ADAM10: variants seen among roughly 807,000 people sequenced by gnomAD.
ADAM10 encodes disintegrin and metalloproteinase domain-containing protein 10.
Under a neutral mutation model 90.1 loss-of-function variants are expected in ADAM10, and 17 were observed. That is an observed-to-expected ratio of 0.19 (90% CI 0.13 to 0.28). The LOEUF (loss-of-function observed/expected upper bound fraction) is 0.28. Ranked by LOEUF, ADAM10 falls within the 10% of genes least tolerant of loss-of-function variation. ADAM10 has a pLI of 1.00. For missense variants in ADAM10, 610 were observed against 914.3 expected, an observed-to-expected ratio of 0.67 and a Z score of 4.29; for synonymous variants, 310 against 298.6, an observed-to-expected ratio of 1.04 and a Z score of -0.40.
At chr15:58,675,784 G>A (rs1897292340) in intron 4 of ADAM10, among the ~76,000 whole-genome samples, 1 of 152,138 alleles carries the variant, frequency 6.6e-6, no homozygotes, top group Non-Finnish European at 1.5e-5. Context: ...TTTCATGATG[G>A]TTCTATACAT....
chr15:58,598,768 C>A (rs1895028185), intron 15 of ADAM10, among the ~76,000 whole-genome samples: 2 of 152,186 alleles, frequency 1.3e-5, no homozygotes, highest in South Asian at 4.1e-4. Flanking sequence ...GGGTTTATTT[C>A]CTGTCCTTTT....
chr15:58,718,850 T>C (rs567970733), intron 1 of ADAM10, among the ~76,000 whole-genome samples: 1 of 152,072 alleles, frequency 6.6e-6, no homozygotes, highest in Non-Finnish European at 1.5e-5. Context: ...GCCACTTTGG[T>C]CTCCCCTGAC....
chr15:58,684,107 A>G (rs1336984281), intron 2 of ADAM10, among the ~76,000 whole-genome samples: 1 of 152,204 alleles, frequency 6.6e-6, no homozygotes, highest in African/African-American at 2.4e-5. Context: ...TTCTATGTAA[A>G]TAGTTCTTAT....
intron 2 of ADAM10, among the ~76,000 whole-genome samples, chr15:58,710,824 G>T (rs1898449486): frequency 6.6e-6 from 1 of 152,064 alleles, no homozygotes; most frequent in African/African-American, 2.4e-5. Context: ...GTGTTCCCTA[G>T]ATTCTTACCT....
In ADAM10 at chr15:58,619,626, C is replaced by T. The variant is rs575958435; in HGVS notation, c.1511+1845G>A. ...TATCAATTAAAAATGGAATAGGGGC[C>T]GGGTGCAGTGGCTCACACCTGTAAT... On this transcript the variant is annotated intron_variant, in intron 11 of 15. Transcript: ENST00000260408. 1.6e-4 allele frequency among the ~76,000 whole-genome samples: 25 copies of T among 152,050 alleles called. No individual in the cohort carries two copies. The South Asian group carries it at 5.2e-3, about 32-fold the overall frequency.
At chr15:58,726,274 T>C (rs892440208) in intron 1 of ADAM10, among the ~76,000 whole-genome samples, 1 of 152,138 alleles carries the variant, frequency 6.6e-6, no homozygotes, top group Non-Finnish European at 1.5e-5. Flanking sequence ...TATATCATCA[T>C]AAAGCCAATA....
At position 58,597,329 on chromosome 15, in the gene ADAM10, A is replaced by G; in HGVS notation, c.*218T>C. 1 of 1,491,216 alleles carries G rather than the reference A, an allele frequency of 6.7e-7. No homozygotes were observed. Among genetic ancestry groups the G allele is most frequent in the Non-Finnish European group, 9.0e-7 (1 of 1,108,280 alleles). The allele number at this position is 1,491,216 out of a possible 1,614,324, so 92.4% of individuals were successfully genotyped here. On this transcript the variant is annotated 3_prime_UTR_variant, in exon 16 of 16. Coordinates refer to ENST00000260408, the MANE Select transcript of ADAM10 (RefSeq NM_001110.4). The stretch of plus-strand genomic sequence containing the variant: ...TAAGTTAAAAATATCTGTTCATAAG[A>G]AAATTGGGTTCCTTTTCCACCTCCC...
chr15:58,686,665 G>A (rs1282941476), intron 2 of ADAM10: 2 of 717,646 alleles, frequency 2.8e-6, no homozygotes, highest in African/African-American at 3.5e-5. Context: ...AGCACAAAGT[G>A]ATGAATGACT....
intron 7 of ADAM10, among the ~76,000 whole-genome samples, chr15:58,642,174 A>T (rs1292906452): frequency 6.6e-6 from 1 of 152,044 alleles, no homozygotes; most frequent in East Asian, 1.9e-4. Flanking sequence ...ATAAATAAAA[A>T]TTGCATGTAA....
chr15:58,740,324 G>C (rs573125038), intron 1 of ADAM10, among the ~76,000 whole-genome samples: 2 of 151,640 alleles, frequency 1.3e-5, no homozygotes, highest in Middle Eastern at 3.4e-3. Context: ...CACAAAAATC[G>C]CTTAAACCCA....
chr15:58,740,792 A>C (rs1423998393), intron 1 of ADAM10, among the ~76,000 whole-genome samples: 2 of 152,202 alleles, frequency 1.3e-5, no homozygotes, highest in Non-Finnish European at 1.5e-5. Flanking sequence ...CTACATGATT[A>C]ATATTAAAAA....
At position 58,590,812 on chromosome 15, in the gene ADAM10, C is replaced by A. The variant is rs1274054834; in HGVS notation, c.*6735G>T. The stretch of plus-strand genomic sequence containing the variant: ...AATGTGTTCAGTATAACCACATAGC[C>A]TTCATTTTTCCAAAATGATTTTTCT... On this transcript the variant is annotated 3_prime_UTR_variant, in exon 16 of 16. Coordinates refer to ENST00000260408, the MANE Select transcript of ADAM10 (RefSeq NM_001110.4). 2.0e-5 allele frequency: 3 copies of A among 152,020 alleles called. No homozygotes were observed. In the East Asian group the frequency reaches 5.8e-4, roughly 29 times the overall value. The allele number at this position is 152,020 out of a possible 1,614,324, so 9.4% of individuals were successfully genotyped here.
chr15:58,748,760 T>C (rs1219324443), intron 1 of ADAM10: 4 of 395,836 alleles, frequency 1.0e-5, no homozygotes, highest in African/African-American at 8.2e-5. Context: ...CCCTTTCCCC[T>C]GGGCGACAGA....
Position 58,591,692 on chromosome 15 carries a change from T to A in ADAM10, c.*5855A>T, listed in dbSNP as rs1894827182. The A allele has an allele frequency of 6.6e-6, 1 of 152,220 alleles. No homozygotes were observed. The highest frequency in any genetic ancestry group is 1.5e-5 in the Non-Finnish European group (1 of 68,038). The allele number at this position is 152,220 out of a possible 1,614,324, so 9.4% of individuals were successfully genotyped here. A position where few individuals can be genotyped will look rare whatever the true frequency, so the allele number is the denominator to read the frequency against. On this transcript the variant is annotated 3_prime_UTR_variant, in exon 16 of 16. Coordinates refer to ENST00000260408, the MANE Select transcript of ADAM10 (RefSeq NM_001110.4). ...CACAGCCAATCTTGTTTCAACTATATCCACACACACCAGCCAACTTCAATC... is the reference window on the plus strand; with the variant it reads ...CACAGCCAATCTTGTTTCAACTATAACCACACACACCAGCCAACTTCAATC...
intron 5 of ADAM10, among the ~76,000 whole-genome samples, chr15:58,655,716 T>TATATATATATATATATATATATA (rs1896804467): frequency 1.6e-5 from 1 of 64,438 alleles, no homozygotes; most frequent in South Asian, 5.1e-4. Flanking sequence ...ATATAGTATA[T>TATATATATATATATATATATATA]ATATATATAT....
At chr15:58,654,459 A>G (rs2140710206) in intron 5 of ADAM10, among the ~76,000 whole-genome samples, 1 of 151,550 alleles carries the variant, frequency 6.6e-6, no homozygotes, top group South Asian at 2.1e-4. Flanking sequence ...TCTCACCACA[A>G]CCTCCTCCTC....
intron 2 of ADAM10, chr15:58,703,772 C>G (rs1317366320): frequency 6.6e-6 from 1 of 152,480 alleles, no homozygotes; most frequent in Non-Finnish European, 1.5e-5. Context: ...TGAGTTCTCA[C>G]GAGATTGTCC....
At chr15:58,636,793 C>T (rs1476150557) in intron 8 of ADAM10, among the ~76,000 whole-genome samples, 3 of 151,770 alleles carry the variant, frequency 2.0e-5, no homozygotes, top group African/African-American at 7.3e-5. Context: ...TCCATAAATA[C>T]AGTTTTGATG....
chr15:58,745,341 T>A (rs1206391010), intron 1 of ADAM10, among the ~76,000 whole-genome samples: 2 of 152,228 alleles, frequency 1.3e-5, no homozygotes, highest in African/African-American at 4.8e-5. Context: ...TATGTTTGTA[T>A]CCTATTCTTA....
Sources: allele counts gnomAD v4.1 joint callset (sites outside exome capture counted in the v4.1 genomes callset), GRCh38; gene constraint gnomAD v4.1.1; transcripts MANE v1.5; gene names NCBI Gene and HGNC (gene_info 2026-07-23, HGNC 2026-07-21).